The following CAMK1D variants were observed in gnomAD, a reference collection of about 807,000 sequenced individuals.
CAMK1D encodes calcium/calmodulin dependent protein kinase ID.
In CAMK1D, 9 loss-of-function variants were observed where a neutral mutation model predicts 47.7. The ratio of observed to expected loss-of-function variants is 0.19; its 90% CI spans 0.11 to 0.33. CAMK1D has a LOEUF of 0.33. Among genes scored for constraint, CAMK1D ranks in the 10% least tolerant of loss-of-function variants. The pLI, the probability that CAMK1D is intolerant of heterozygous loss-of-function variation, is 1.00. For missense variants in CAMK1D, 291 were observed against 488.7 expected, an observed-to-expected ratio of 0.60 and a Z score of 3.81; for synonymous variants, 184 against 184.9, an observed-to-expected ratio of 0.99 and a Z score of 0.04.
In CAMK1D at chr10:12,694,214, T is replaced by C. The variant is rs1435290878; in HGVS notation, c.299+27404T>C. On this transcript the variant is annotated intron_variant, in intron 3 of 10. Transcript: ENST00000619168. ...AATATATATTATATATTATGTATAA[T>C]ATAAAATATATATTATGTATAATAT... Among the ~76,000 whole-genome samples the C allele has an allele frequency of 5.0e-4, 33 of 65,906 alleles. 6 individuals carry two copies. The highest frequency in any genetic ancestry group is 1.1e-3 in the South Asian group (2 of 1,882). 43.2% of individuals were successfully genotyped at this position (65,906 alleles called of 152,430 possible). A position where few individuals can be genotyped will look rare whatever the true frequency, so the allele number is the denominator to read the frequency against.
intron 4 of CAMK1D, among the ~76,000 whole-genome samples, chr10:12,764,732 G>C (rs763231919): frequency 6.6e-5 from 10 of 152,104 alleles, no homozygotes; most frequent in Non-Finnish European, 1.2e-4. Context: ...TTTATGATTC[G>C]AGCATTCCCG....
At chr10:12,541,313 C>G (rs2492953) in intron 1 of CAMK1D, among the ~76,000 whole-genome samples, 17,300 of 152,154 alleles carry the variant, frequency 0.11, 1,234 homozygotes, top group East Asian at 0.27. Context: ...GAGTTGCGTA[C>G]ACATTGAACA....
intron 2 of CAMK1D, among the ~76,000 whole-genome samples, chr10:12,618,271 C>CATGT (rs1214797702): frequency 6.6e-6 from 1 of 152,018 alleles, no homozygotes; most frequent in Non-Finnish European, 1.5e-5. Flanking sequence ...TTGTGGTGTG[C>CATGT]ATGTGTGTGT....
chr10:12,486,633 C>G (rs1378804854), intron 1 of CAMK1D, among the ~76,000 whole-genome samples: 1 of 152,202 alleles, frequency 6.6e-6, no homozygotes, highest in African/African-American at 2.4e-5. Flanking sequence ...TGTAGCCCAG[C>G]CAAAATGCCA....
At chr10:12,797,196 C>CT (rs66641899) in intron 6 of CAMK1D, among the ~76,000 whole-genome samples, 18,733 of 137,460 alleles carry the variant, frequency 0.14, 2,682 homozygotes, top group East Asian at 0.46. Flanking sequence ...TGACCAGTTC[C>CT]TTTTTTTTTT....
intron 3 of CAMK1D, among the ~76,000 whole-genome samples, chr10:12,704,378 A>G (rs1286301706): frequency 1.3e-5 from 2 of 152,146 alleles, no homozygotes; most frequent in African/African-American, 4.8e-5. Flanking sequence ...TTTGTAGGAG[A>G]CATAGAGTGA....
chr10:12,638,965 T>C (rs539476257), intron 2 of CAMK1D, among the ~76,000 whole-genome samples: 1 of 152,306 alleles, frequency 6.6e-6, no homozygotes, highest in South Asian at 2.1e-4. Flanking sequence ...GCTGTCTTCC[T>C]TTCTCCTCTT....
intron 1 of CAMK1D, among the ~76,000 whole-genome samples, chr10:12,397,928 C>T (rs1839021515): frequency 1.3e-5 from 2 of 152,108 alleles, no homozygotes; most frequent in South Asian, 4.1e-4. Context: ...TCGAGGGGCC[C>T]AACTCGGCTT....
At chr10:12,581,800 A>G (rs766314148) in intron 2 of CAMK1D, among the ~76,000 whole-genome samples, 9 of 152,148 alleles carry the variant, frequency 5.9e-5, no homozygotes, top group Non-Finnish European at 1.2e-4. Context: ...CCTTTGTAAG[A>G]TGTATAGATG....
chr10:12,531,350 TC>T (rs1215134904), intron 1 of CAMK1D, among the ~76,000 whole-genome samples: 1 of 152,108 alleles, frequency 6.6e-6, no homozygotes, highest in African/African-American at 2.4e-5. Flanking sequence ...AGTGCATTCA[TC>T]CCCCTTCTGC....
chr10:12,788,142 A>G (rs1837816053), intron 5 of CAMK1D, among the ~76,000 whole-genome samples: 1 of 152,180 alleles, frequency 6.6e-6, no homozygotes, highest in Non-Finnish European at 1.5e-5. Flanking sequence ...ACTTTCCCCC[A>G]TAACAACCAT....
intron 6 of CAMK1D, among the ~76,000 whole-genome samples, chr10:12,792,878 C>T (rs1487519372): frequency 6.6e-6 from 1 of 152,082 alleles, no homozygotes; most frequent in East Asian, 1.9e-4. Flanking sequence ...CAGTTTTATC[C>T]TTTTGAGGTG....
chr10:12,628,534 T>G (rs1287157632), intron 2 of CAMK1D, among the ~76,000 whole-genome samples: 1 of 152,222 alleles, frequency 6.6e-6, no homozygotes, highest in Non-Finnish European at 1.5e-5. Context: ...ATTAACATCT[T>G]GAATTAGGGT....
intron 3 of CAMK1D, among the ~76,000 whole-genome samples, chr10:12,667,164 C>T (rs986451141): frequency 3.9e-5 from 6 of 152,230 alleles, no homozygotes; most frequent in Non-Finnish European, 7.3e-5. Flanking sequence ...CACTTTGCTC[C>T]TGTCTCTAGG....
At chr10:12,641,904 G>T (rs1839676685) in intron 2 of CAMK1D, among the ~76,000 whole-genome samples, 2 of 152,138 alleles carry the variant, frequency 1.3e-5, no homozygotes, top group South Asian at 4.2e-4. Flanking sequence ...AATTAGCAGG[G>T]CGTGGTGGAG....
intron 1 of CAMK1D, among the ~76,000 whole-genome samples, chr10:12,470,897 A>G (rs1386871156): frequency 1.3e-5 from 2 of 151,866 alleles, no homozygotes; most frequent in African/African-American, 4.8e-5. Context: ...TCTGTACTAA[A>G]CCAAGCCACC....
At chr10:12,583,813 A>G (rs1035820322) in intron 2 of CAMK1D, among the ~76,000 whole-genome samples, 1 of 151,902 alleles carries the variant, frequency 6.6e-6, no homozygotes, top group Non-Finnish European at 1.5e-5. Context: ...GTTGGCCAGG[A>G]TGGTCTCGAT....
intron 1 of CAMK1D, among the ~76,000 whole-genome samples, chr10:12,384,098 G>A (rs1235371249): frequency 1.3e-5 from 2 of 152,138 alleles, no homozygotes; most frequent in African/African-American, 4.8e-5. Context: ...GAACAATCTC[G>A]TTTATAATAT....
intron 2 of CAMK1D, among the ~76,000 whole-genome samples, chr10:12,553,607 C>T (rs994459420): frequency 3.9e-5 from 6 of 152,196 alleles, no homozygotes; most frequent in African/African-American, 9.7e-5. Context: ...GCTTGTGAAC[C>T]GAGACCCTGC....
Sources: gnomAD v4.1 joint callset for allele counts (sites outside exome capture counted in the v4.1 genomes callset) on GRCh38, gnomAD v4.1.1 for gene constraint, MANE v1.5 for transcripts, NCBI Gene and HGNC (gene_info 2026-07-23, HGNC 2026-07-21) for gene names.